Variants in UNC5D observed in about 807,000 individuals in gnomAD.
The protein encoded by UNC5D is netrin receptor UNC5D.
UNC5D carries 39 observed loss-of-function variants against 105.4 expected under a neutral mutation model. The ratio of observed to expected loss-of-function variants is 0.37; its 90% confidence interval spans 0.29 to 0.48. The LOEUF (loss-of-function observed/expected upper bound fraction) is 0.48. Among genes scored for constraint, UNC5D ranks in the 20% least tolerant of loss-of-function variants. The pLI is 0.98. For missense variants in UNC5D, 991 were observed against 1,202.4 expected (o/e 0.82, Z 2.60); for synonymous variants, 452 against 450.4 (o/e 1.00, Z -0.04).
At chr8:35,603,847 C>G (rs1048179383) in intron 4 of UNC5D, among the ~76,000 whole-genome samples, 1 of 152,024 alleles carries the variant, frequency 6.6e-6, no homozygotes, top group Non-Finnish European at 1.5e-5. Context: ...TCTGTTTTAT[C>G]AGAGACTAGG....
intron 8 of UNC5D, 120 bp from the exon 9 acceptor site, chr8:35,722,090 T>G (rs1007223746): frequency 9.1e-7 from 1 of 1,094,272 alleles, no homozygotes; most frequent in Admixed American, 2.3e-5. Context: ...TCACTGTACA[T>G]CTGTCATTGT....
rs139853217 is a variant in UNC5D at position 35,671,297 on chromosome 8, A to G, written c.571-12250A>G. Among the ~76,000 whole-genome samples, 477 of 152,294 alleles carry G rather than the reference A, an allele frequency of 3.1e-3. 4 individuals carry two copies. Among genetic ancestry groups the G allele is most frequent in the African/African-American group, 0.01 (433 of 41,572 alleles). Reference sequence around the variant, plus strand: ...ATGGAATTGCATTTTCAGCTCTACAATTTGGATACCAAATCTGTTGACTCC... The same window carrying G: ...ATGGAATTGCATTTTCAGCTCTACAGTTTGGATACCAAATCTGTTGACTCC... On this transcript the variant is annotated intron_variant, in intron 4 of 16. Transcript: ENST00000404895.
chr8:35,263,152 C>T (rs1804604031), intron 1 of UNC5D, among the ~76,000 whole-genome samples: 1 of 152,268 alleles, frequency 6.6e-6, no homozygotes, highest in Admixed American at 6.5e-5. Context: ...CTCTATCAGG[C>T]TGACAAACTC....
At chr8:35,557,578 C>T (rs997024044) in intron 2 of UNC5D, among the ~76,000 whole-genome samples, 4 of 152,178 alleles carry the variant, frequency 2.6e-5, no homozygotes, top group Non-Finnish European at 5.9e-5. Flanking sequence ...TCTAAGCTCT[C>T]TCAAGATACG....
At chr8:35,307,870 T>C (rs1174238018) in intron 1 of UNC5D, among the ~76,000 whole-genome samples, 1 of 152,090 alleles carries the variant, frequency 6.6e-6, no homozygotes, top group Non-Finnish European at 1.5e-5. Context: ...TGGAAAAGAC[T>C]GTTGGGGGGA....
intron 3 of UNC5D, among the ~76,000 whole-genome samples, chr8:35,573,401 G>A (rs1218236452): frequency 6.6e-6 from 1 of 151,912 alleles, no homozygotes; most frequent in South Asian, 2.1e-4. Flanking sequence ...CTATGATCGC[G>A]CCTGTGAATA....
intron 3 of UNC5D, among the ~76,000 whole-genome samples, chr8:35,578,295 A>G (rs991994106): frequency 2.6e-5 from 4 of 151,444 alleles, no homozygotes; most frequent in African/African-American, 9.7e-5. Flanking sequence ...AGAGAAAAGA[A>G]AAATTTTTAA....
intron 1 of UNC5D, among the ~76,000 whole-genome samples, chr8:35,392,229 A>T (rs1803822573): frequency 6.6e-6 from 1 of 152,052 alleles, no homozygotes; most frequent in South Asian, 2.1e-4. Flanking sequence ...TTTTCGTTTG[A>T]GTCAGTATCT....
chr8:35,555,680 G>T (rs990216452), intron 2 of UNC5D, among the ~76,000 whole-genome samples: 3 of 151,810 alleles, frequency 2.0e-5, no homozygotes, highest in African/African-American at 7.3e-5. Context: ...ACAAAAATTA[G>T]CTGGCCGTGG....
intron 5 of UNC5D, among the ~76,000 whole-genome samples, chr8:35,684,294 C>T (rs1420153325): frequency 6.6e-6 from 1 of 152,190 alleles, no homozygotes; most frequent in Non-Finnish European, 1.5e-5. Context: ...TCTTCTTATA[C>T]TCTGGATTTT....
intron 1 of UNC5D, among the ~76,000 whole-genome samples, chr8:35,414,074 GA>G (rs1234116368): frequency 1.9e-4 from 29 of 152,050 alleles, no homozygotes; most frequent in Admixed American, 1.9e-3. Flanking sequence ...TAGGTTGTTT[GA>G]AAGTGCTGCT....
intron 2 of UNC5D, among the ~76,000 whole-genome samples, chr8:35,558,168 G>T (rs188644670): frequency 3.3e-5 from 5 of 149,322 alleles, no homozygotes; most frequent in Non-Finnish European, 4.4e-5. Context: ...CAACCCAGAA[G>T]CTCCTTGAGG....
chr8:35,507,578 G>A (rs1173777592), intron 1 of UNC5D, among the ~76,000 whole-genome samples: 11 of 151,842 alleles, frequency 7.2e-5, no homozygotes, highest in African/African-American at 2.7e-4. Flanking sequence ...GAGATAGAGA[G>A]CAGAAGGATG....
chr8:35,276,377 A>G (rs1010508739), intron 1 of UNC5D, among the ~76,000 whole-genome samples: 1 of 152,210 alleles, frequency 6.6e-6, no homozygotes, highest in Non-Finnish European at 1.5e-5. Flanking sequence ...TAAATAACCC[A>G]TCAGAGTGTC....
At chr8:35,615,356 T>C (rs1820971550) in intron 4 of UNC5D, among the ~76,000 whole-genome samples, 1 of 152,176 alleles carries the variant, frequency 6.6e-6, no homozygotes, top group Non-Finnish European at 1.5e-5. Flanking sequence ...CCTTTCTCTG[T>C]GTCCTCATTA....
At chr8:35,770,209 A>G (rs1188766054) in intron 15 of UNC5D, among the ~76,000 whole-genome samples, 1 of 152,174 alleles carries the variant, frequency 6.6e-6, no homozygotes, top group African/African-American at 2.4e-5. Flanking sequence ...AGATATATTT[A>G]TATAATTAAC....
At position 35,330,737 on chromosome 8, in the gene UNC5D, G is replaced by T. The variant is rs143415687; in HGVS notation, c.103+94850G>T. Among the ~76,000 whole-genome samples, 256 of 152,242 alleles carry T rather than the reference G, an allele frequency of 1.7e-3. 7 individuals carry two copies. In the East Asian group the frequency reaches 0.044, roughly 26 times the overall value. On this transcript the variant is annotated intron_variant, in intron 1 of 16. Transcript: ENST00000404895. ...ATTACCATAGAGTGGCATAGCTGGGGGCTGCAATGAAAAAACCTATAAAAT... is the reference window on the plus strand; with the variant it reads ...ATTACCATAGAGTGGCATAGCTGGGTGCTGCAATGAAAAAACCTATAAAAT...
intron 4 of UNC5D, among the ~76,000 whole-genome samples, chr8:35,676,378 A>G (rs1014439701): frequency 4.6e-5 from 7 of 152,206 alleles, no homozygotes; most frequent in Middle Eastern, 3.2e-3. Context: ...GAAACCAGAT[A>G]AAGAATTGTT....
At chr8:35,320,019 A>C (rs1809607267) in intron 1 of UNC5D, among the ~76,000 whole-genome samples, 1 of 152,124 alleles carries the variant, frequency 6.6e-6, no homozygotes, top group Non-Finnish European at 1.5e-5. Context: ...AAATATTTGA[A>C]AAGATTTATT....
Sources: gnomAD v4.1 joint callset for allele counts (sites outside exome capture counted in the v4.1 genomes callset) on GRCh38, gnomAD v4.1.1 for gene constraint, MANE v1.5 for transcripts, NCBI Gene and HGNC (gene_info 2026-07-23, HGNC 2026-07-21) for gene names.